HCFC2: variants seen among roughly 807,000 people sequenced by gnomAD.
The protein encoded by HCFC2 is host cell factor C2.
Under a neutral mutation model 89.2 loss-of-function variants are expected in HCFC2, and 18 were observed. The ratio of observed to expected loss-of-function variants is 0.20; its 90% CI spans 0.14 to 0.30. HCFC2 has a LOEUF of 0.30. Ranked by LOEUF, HCFC2 falls within the 10% of genes least tolerant of loss-of-function variation. The pLI is 1.00. For synonymous variants in HCFC2, 308 were observed against 335.7 expected (o/e 0.92, Z 0.90); for missense variants, 578 against 956.1 (o/e 0.60, Z 5.21).
chr12:104,089,654 T>G (rs1883968895), intron 9 of HCFC2, among the ~76,000 whole-genome samples: 1 of 152,228 alleles, frequency 6.6e-6, no homozygotes, highest in South Asian at 2.1e-4. Context: ...TTTTGCCTCA[T>G]CCCCTCCTTT....
chr12:104,085,284 A>G (rs1883799672), intron 7 of HCFC2, among the ~76,000 whole-genome samples: 1 of 152,180 alleles, frequency 6.6e-6, no homozygotes, highest in Non-Finnish European at 1.5e-5. Context: ...GATAGTTGAA[A>G]AAATAATGAA....
intron 3 of HCFC2, among the ~76,000 whole-genome samples, chr12:104,078,662 A>C (rs1883587900): frequency 6.6e-6 from 1 of 152,178 alleles, no homozygotes; most frequent in Non-Finnish European, 1.5e-5. Flanking sequence ...ATTTATCAAA[A>C]TATTTTCAAT....
In HCFC2 at chr12:104,100,197, C is replaced by T. The variant is rs1176550067; in HGVS notation, c.1878+1717C>T. Among the ~76,000 whole-genome samples the T allele has an allele frequency of 2.6e-5, 4 of 152,074 alleles. No individual in the cohort carries two copies. The East Asian group carries it at 7.7e-4, about 29-fold the overall frequency. On this transcript the variant is annotated intron_variant, in intron 13 of 14. Transcript: ENST00000229330. ...AACCCCTTAAAGAGGACCTCATATA[C>T]ATATATGAGATATTTTATGTATATA...
chr12:104,078,302 A>G (rs945737637), intron 3 of HCFC2, among the ~76,000 whole-genome samples: 2 of 152,180 alleles, frequency 1.3e-5, no homozygotes, highest in Non-Finnish European at 2.9e-5. Context: ...CGCCAGGCCT[A>G]TTCAAAGTAT....
In HCFC2 at chr12:104,082,863, G is replaced by A; in HGVS notation, c.1025G>A (p.Ser342Asn). The A allele has an allele frequency of 6.2e-7, 1 of 1,608,958 alleles. No homozygotes were observed. The highest frequency in any genetic ancestry group is 8.5e-7 in the Non-Finnish European group (1 of 1,178,674). The change falls in exon 7 of 15, where the codon AGT (serine) becomes AAT (asparagine). Residue 342 changes from serine to asparagine, a missense_variant. This residue lies in a region of HCFC2 where 206 missense variants were observed against 419.2 expected (regional missense o/e 0.49). Coordinates refer to ENST00000229330, the MANE Select transcript of HCFC2 (RefSeq NM_013320.3). ...GRDGYKKALN[S>N]QVCCKDLWYL... ...GATGGCTACAAAAAAGCACTGAATA[G>A]TCAAGTTTGCTGCAAGGATCTTTGG...
chr12:104,084,859 G>C (rs569717559), intron 7 of HCFC2, among the ~76,000 whole-genome samples: 1 of 152,312 alleles, frequency 6.6e-6, no homozygotes, highest in African/African-American at 2.4e-5. Context: ...TGTGGCAAGT[G>C]AAAGAAAGGG....
intron 3 of HCFC2, among the ~76,000 whole-genome samples, chr12:104,069,092 G>A (rs1883239717): frequency 6.6e-6 from 1 of 152,022 alleles, no homozygotes; most frequent in African/African-American, 2.4e-5. Flanking sequence ...GATCGCTTGA[G>A]CCCAGCAGTT....
chr12:104,086,015 T>G (rs1883828316), intron 7 of HCFC2, among the ~76,000 whole-genome samples: 1 of 149,782 alleles, frequency 6.7e-6, no homozygotes, highest in Non-Finnish European at 1.5e-5. Context: ...TTTTTTTTTT[T>G]GAGGCGGAGT....
intron 9 of HCFC2, chr12:104,091,022 CCTGG>C (rs1200961124): frequency 3.3e-5 from 5 of 152,132 alleles, no homozygotes; most frequent in Admixed American, 6.5e-5. Context: ...GGGTTATGAG[CCTGG>C]CTATCAGAAT....
rs2136632876 is a variant in HCFC2 at position 104,105,039 on chromosome 12, A to C, written c.*1766A>C. 6.6e-6 allele frequency: 1 copy of C among 152,086 alleles called. No homozygotes were observed. Among genetic ancestry groups the C allele is most frequent in the South Asian group, 2.1e-4 (1 of 4,830 alleles). 9.4% of individuals were successfully genotyped at this position (152,086 alleles called of 1,614,324 possible). A position where few individuals can be genotyped will look rare whatever the true frequency, so the allele number is the denominator to read the frequency against. On this transcript the variant is annotated 3_prime_UTR_variant, in exon 15 of 15. Coordinates refer to ENST00000229330, the MANE Select transcript of HCFC2 (RefSeq NM_013320.3). Reference sequence around the variant, plus strand: ...TGCTTTTTGCACTAGTAGAATTTTAACTTACCTCATTATTATGTTTGTAAT... The same window carrying C: ...TGCTTTTTGCACTAGTAGAATTTTACCTTACCTCATTATTATGTTTGTAAT...
At chr12:104,074,318 CT>C (rs951375338) in intron 3 of HCFC2, among the ~76,000 whole-genome samples, 4 of 151,694 alleles carry the variant, frequency 2.6e-5, no homozygotes, top group Admixed American at 6.6e-5. Flanking sequence ...AATTTTAAAA[CT>C]TTTTTTTTCT....
rs1184561465 is a variant in HCFC2, at chr12:104,068,507, C to CT, written c.473+401dup. On this transcript the variant is annotated intron_variant, in intron 3 of 14. Transcript: ENST00000229330. This position sits in a 1 kb window ranked among gnomAD's most constrained non-coding sequence, Gnocchi z 4.1. ...TCTCTGGGAATTTGGCGACAAAACTCTGACTATAAAATGAAAGCTATCATT... is the reference window on the plus strand; with the variant it reads ...TCTCTGGGAATTTGGCGACAAAACTCTTGACTATAAAATGAAAGCTATCATT... 6.6e-6 allele frequency among the ~76,000 whole-genome samples: 1 copy of CT among 152,186 alleles called. No homozygotes were observed. Among genetic ancestry groups the CT allele is most frequent in the African/African-American group, 2.4e-5 (1 of 41,450 alleles).
intron 8 of HCFC2, 98 bp from the exon 9 acceptor site, chr12:104,087,888 A>G (rs1279846163): frequency 1.4e-5 from 8 of 590,454 alleles, no homozygotes; most frequent in African/African-American, 1.9e-5. Flanking sequence ...TAAAGATACT[A>G]CTTTTTAAAC....
chr12:104,088,329 TGCA>T (rs1883926394), intron 9 of HCFC2, among the ~76,000 whole-genome samples: 1 of 152,238 alleles, frequency 6.6e-6, no homozygotes, highest in Admixed American at 6.5e-5. Context: ...GAAGCCTAGC[TGCA>T]TTACACAGAG....
At position 104,095,748 on chromosome 12, in the gene HCFC2, T is replaced by G. The variant is rs185571966; in HGVS notation, c.1666+185T>G. Among the ~76,000 whole-genome samples the G allele has an allele frequency of 4.6e-5, 7 of 152,336 alleles. No homozygotes were observed. Among genetic ancestry groups the G allele is most frequent in the African/African-American group, 1.7e-4 (7 of 41,586 alleles). On this transcript the variant is annotated intron_variant, in intron 11 of 14. Coordinates refer to ENST00000229330, the MANE Select transcript of HCFC2 (RefSeq NM_013320.3). This position sits in a 1 kb window ranked among gnomAD's most constrained non-coding sequence, Gnocchi z 4.2. ...TAACTTTTAGAATCTTTAAGAATTC[T>G]TTTTAGTTTTTGTTTTCTTTCTATC...
At position 104,104,386 on chromosome 12, in the gene HCFC2, C is replaced by T. The variant is rs1480738573; in HGVS notation, c.*1113C>T. The T allele has an allele frequency of 6.6e-6, 1 of 152,024 alleles. No homozygotes were observed. 9.4% of individuals were successfully genotyped at this position (152,024 alleles called of 1,614,324 possible). On this transcript the variant is annotated 3_prime_UTR_variant, in exon 15 of 15. Coordinates refer to ENST00000229330, the MANE Select transcript of HCFC2 (RefSeq NM_013320.3). The stretch of plus-strand genomic sequence containing the variant: ...AAGATACAGATAGGCATTATAAACA[C>T]TCTGCTACAGGTAACTTGTTTTAAA...
At chr12:104,081,899 T>C (rs1476455243) in intron 5 of HCFC2, among the ~76,000 whole-genome samples, 1 of 132,646 alleles carries the variant, frequency 7.5e-6, no homozygotes, top group Non-Finnish European at 1.6e-5. Context: ...AACAAGATCC[T>C]GTCTCAAAAA....
intron 8 of HCFC2, 122 bp from the exon 9 acceptor site, chr12:104,087,864 C>T (rs537847117): frequency 4.1e-6 from 2 of 482,852 alleles, no homozygotes; most frequent in African/African-American, 4.0e-5. Flanking sequence ...ATTAAGAAAA[C>T]ATATAACCTT....
At chr12:104,079,306 G>A in intron 3 of HCFC2, 139 bp from the exon 4 acceptor site, 1 of 650,840 alleles carries the variant, frequency 1.5e-6, no homozygotes, top group Non-Finnish European at 2.6e-6. Flanking sequence ...ATGAGGTTTG[G>A]GGTTTCTGCT....
Sources: allele counts gnomAD v4.1 joint callset (sites outside exome capture counted in the v4.1 genomes callset), GRCh38; gene constraint gnomAD v4.1.1; regional missense constraint gnomAD v4.1.1; non-coding constraint Gnocchi (gnomAD v3.1); transcripts MANE v1.5; gene names NCBI Gene and HGNC (gene_info 2026-07-23, HGNC 2026-07-21).